SYNDIG1: variants seen among roughly 807,000 people sequenced by gnomAD.
SYNDIG1 encodes the protein synapse differentiation inducing 1, also known as synapse differentiation-inducing gene protein 1.
A neutral mutation model predicts 19.4 loss-of-function variants in SYNDIG1; 9 were observed. The observed-to-expected ratio is 0.46, with a 90% confidence interval of 0.28 to 0.81. SYNDIG1 has a LOEUF of 0.81. Ranked by LOEUF, SYNDIG1 falls within the 30% of genes least tolerant of loss-of-function variation. The pLI is 0.12. For missense variants in SYNDIG1, 311 were observed against 343.3 expected (o/e 0.91, Z 0.74); for synonymous variants, 141 against 145.9 (o/e 0.97, Z 0.24).
intron 3 of SYNDIG1, among the ~76,000 whole-genome samples, chr20:24,656,360 G>T (rs913664615): frequency 6.6e-6 from 1 of 152,224 alleles, no homozygotes; most frequent in African/African-American, 2.4e-5. Context: ...GATTCTAGCC[G>T]TAATTCTGAT....
intron 3 of SYNDIG1, among the ~76,000 whole-genome samples, chr20:24,649,649 T>G (rs1019772860): frequency 6.6e-6 from 1 of 152,174 alleles, no homozygotes; most frequent in Non-Finnish European, 1.5e-5. Flanking sequence ...GATTTATGCA[T>G]GAGTTCTCCC....
At chr20:24,552,689 T>G (rs1223495825) in intron 2 of SYNDIG1, among the ~76,000 whole-genome samples, 2 of 152,204 alleles carry the variant, frequency 1.3e-5, no homozygotes, top group Non-Finnish European at 2.9e-5. Flanking sequence ...TGTGCCACAT[T>G]TTCTTAATCC....
chr20:24,540,557 T>C (rs2057449093), intron 1 of SYNDIG1, among the ~76,000 whole-genome samples: 1 of 152,220 alleles, frequency 6.6e-6, no homozygotes, highest in Non-Finnish European at 1.5e-5. Context: ...ATTCCTAGTT[T>C]GTTTCATGTT....
At chr20:24,626,922 G>A (rs1009066852) in intron 3 of SYNDIG1, among the ~76,000 whole-genome samples, 5 of 152,368 alleles carry the variant, frequency 3.3e-5, no homozygotes, top group South Asian at 2.1e-4. Flanking sequence ...AAAAAAATAC[G>A]AAAACCAGTC....
intron 2 of SYNDIG1, among the ~76,000 whole-genome samples, chr20:24,577,252 A>G (rs6114780): frequency 0.23 from 35,466 of 152,094 alleles, 4,378 homozygotes; most frequent in Admixed American, 0.34. Context: ...ACCTGACTTC[A>G]AGTAAAGGAG....
At chr20:24,644,117 C>T (rs1347915308) in intron 3 of SYNDIG1, among the ~76,000 whole-genome samples, 2 of 152,204 alleles carry the variant, frequency 1.3e-5, no homozygotes, top group Non-Finnish European at 2.9e-5. Context: ...TCAATGGATT[C>T]CAGGATATGA....
At chr20:24,572,414 C>T (rs544175403) in intron 2 of SYNDIG1, among the ~76,000 whole-genome samples, 4 of 152,292 alleles carry the variant, frequency 2.6e-5, no homozygotes, top group African/African-American at 9.6e-5. Context: ...GCCACATCTT[C>T]GGCAGCTGGC....
intron 3 of SYNDIG1, among the ~76,000 whole-genome samples, chr20:24,647,615 G>A (rs1173215351): frequency 1.3e-5 from 2 of 151,896 alleles, no homozygotes; most frequent in Non-Finnish European, 2.9e-5. Context: ...AGCTTTCAAG[G>A]AACCAGATGG....
intron 1 of SYNDIG1, among the ~76,000 whole-genome samples, chr20:24,540,331 T>C (rs2146700428): frequency 6.6e-6 from 1 of 152,368 alleles, no homozygotes; most frequent in South Asian, 2.1e-4. Context: ...TTTCTATATG[T>C]GAGATCATAC....
At chr20:24,539,614 C>T (rs2057428939) in intron 1 of SYNDIG1, among the ~76,000 whole-genome samples, 1 of 152,156 alleles carries the variant, frequency 6.6e-6, no homozygotes. Flanking sequence ...TTTCTGCAGA[C>T]AACATTACTG....
At chr20:24,577,892 G>A (rs1028552701) in intron 2 of SYNDIG1, among the ~76,000 whole-genome samples, 1 of 152,188 alleles carries the variant, frequency 6.6e-6, no homozygotes, top group African/African-American at 2.4e-5. Context: ...CAGGCAGCAG[G>A]GCTGAATGCA....
intron 2 of SYNDIG1, among the ~76,000 whole-genome samples, chr20:24,549,054 ATTGCT>A (rs1300040121): frequency 6.6e-6 from 1 of 152,134 alleles, no homozygotes; most frequent in Non-Finnish European, 1.5e-5. Context: ...AACTTTGATC[ATTGCT>A]TTGTGTTGGG....
intron 3 of SYNDIG1, among the ~76,000 whole-genome samples, chr20:24,636,192 G>A (rs750069268): frequency 2.0e-5 from 3 of 152,302 alleles, no homozygotes; most frequent in Non-Finnish European, 2.9e-5. Context: ...TCATGAGAAA[G>A]CTTAACTTCT....
At chr20:24,494,733 T>C (rs1202487703) in intron 1 of SYNDIG1, among the ~76,000 whole-genome samples, 4 of 152,158 alleles carry the variant, frequency 2.6e-5, no homozygotes. Context: ...CTGGCCTGAC[T>C]ACCCAGAGGA....
chr20:24,547,367 G>A (rs2057600553), intron 2 of SYNDIG1, among the ~76,000 whole-genome samples: 1 of 152,224 alleles, frequency 6.6e-6, no homozygotes, highest in African/African-American at 2.4e-5. Flanking sequence ...GGTTGTGGTA[G>A]TAACAAGAAC....
At chr20:24,632,784 GTGGC>G (rs1413991720) in intron 3 of SYNDIG1, among the ~76,000 whole-genome samples, 2 of 152,186 alleles carry the variant, frequency 1.3e-5, no homozygotes, top group African/African-American at 2.4e-5. Flanking sequence ...GTAAATAATT[GTGGC>G]TTTACAAGGA....
chr20:24,579,590 G>T (rs1258900077), intron 2 of SYNDIG1, among the ~76,000 whole-genome samples: 1 of 152,212 alleles, frequency 6.6e-6, no homozygotes, highest in African/African-American at 2.4e-5. Context: ...TGTCCCACGT[G>T]ACAGGCATGG....
intron 3 of SYNDIG1, among the ~76,000 whole-genome samples, chr20:24,654,378 A>G (rs1302094298): frequency 1.3e-5 from 2 of 152,182 alleles, no homozygotes; most frequent in African/African-American, 2.4e-5. Context: ...TTTCAGAGAG[A>G]TAAGGAATGA....
intron 3 of SYNDIG1, among the ~76,000 whole-genome samples, chr20:24,659,785 A>G (rs906423506): frequency 6.6e-5 from 10 of 152,312 alleles, no homozygotes; most frequent in African/African-American, 2.4e-4. Context: ...TCAGCCTCTC[A>G]ATTCCCTTTC....
Sources: allele counts gnomAD v4.1 joint callset (sites outside exome capture counted in the v4.1 genomes callset), GRCh38; gene constraint gnomAD v4.1.1; transcripts MANE v1.5; gene names NCBI Gene and HGNC (gene_info 2026-07-23, HGNC 2026-07-21).